The following ZNF704 variants were observed in gnomAD, a reference collection of about 807,000 sequenced individuals.
ZNF704 encodes glucocorticoid induced gene 1.
ZNF704 carries 10 observed loss-of-function variants against 44.7 expected under a neutral mutation model. The ratio of observed to expected loss-of-function variants is 0.22; its 90% CI spans 0.14 to 0.38. The LOEUF (loss-of-function observed/expected upper bound fraction) is 0.38. ZNF704 is among the 10% of genes least tolerant of loss of function. The pLI, the probability that ZNF704 is intolerant of heterozygous loss-of-function variation, is 1.00. For synonymous variants in ZNF704, 211 were observed against 207.6 expected (o/e 1.02, Z -0.14); for missense variants, 390 against 545.5 (o/e 0.71, Z 2.84).
intron 1 of ZNF704, among the ~76,000 whole-genome samples, chr8:80,822,121 T>C (rs1189419056): frequency 6.6e-6 from 1 of 152,214 alleles, no homozygotes; most frequent in African/African-American, 2.4e-5. Context: ...TATTAATTTA[T>C]TTTAATTTTT....
At chr8:80,879,117 A>AT (rs1438299108), upstream of ZNF704, among the ~76,000 whole-genome samples, 1 of 152,216 alleles carries the variant, frequency 6.6e-6, no homozygotes, top group Non-Finnish European at 1.5e-5. Context: ...GAGCTCTCTC[A>AT]TTTTAACTCT....
rs1385741173 is a variant in ZNF704, at chr8:80,659,647, G to C, written c.970C>G (p.Pro324Ala). 11 of 1,613,918 alleles carry C rather than the reference G, an allele frequency of 6.8e-6. No individual in the cohort carries two copies. The highest frequency in any genetic ancestry group is 8.5e-6 in the Non-Finnish European group (10 of 1,179,950). The change falls in exon 7 of 9, where the codon CCC becomes GCC. Residue 324 changes from proline (P) to alanine (A), a missense_variant. This residue lies in a region of ZNF704 where 305 missense variants were observed against 435.7 expected (regional missense o/e 0.70). Transcript: ENST00000327835. ...VTIPGSAKFT[P>A]NGSSFSISWQ... Reference sequence around the variant, plus strand: ...GAAATGCTGAAGCTGCTGCCATTGGGGGTGAACTTGGCCGATCCTGGAATG... The same window carrying C: ...GAAATGCTGAAGCTGCTGCCATTGGCGGTGAACTTGGCCGATCCTGGAATG...
intron 2 of ZNF704, among the ~76,000 whole-genome samples, chr8:80,711,338 G>C (rs772395137): frequency 6.6e-6 from 1 of 152,132 alleles, no homozygotes; most frequent in South Asian, 2.1e-4. Context: ...AAATGGCAGC[G>C]GTCTCATGGA....
At chr8:80,680,046 C>A (rs1393059329) in intron 4 of ZNF704, among the ~76,000 whole-genome samples, 1 of 152,096 alleles carries the variant, frequency 6.6e-6, no homozygotes, top group Non-Finnish European at 1.5e-5. Flanking sequence ...CAATAGTAAG[C>A]CTCAATCCTG....
chr8:80,673,716 G>A (rs535495655), intron 4 of ZNF704, among the ~76,000 whole-genome samples: 1 of 152,298 alleles, frequency 6.6e-6, no homozygotes, highest in African/African-American at 2.4e-5. Context: ...TTTCTGAATT[G>A]AAAATGGTAC....
chr8:80,855,222 G>T (rs1808938696), intron 1 of ZNF704, among the ~76,000 whole-genome samples: 1 of 151,950 alleles, frequency 6.6e-6, no homozygotes, highest in African/African-American at 2.4e-5. Context: ...TGATAGCAGA[G>T]GAAATTTATT....
rs574206020 is a variant in ZNF704 at position 80,702,301 on chromosome 8, T to C, written c.222-9194A>G. Among the ~76,000 whole-genome samples, 6 of 152,222 alleles carry C rather than the reference T, an allele frequency of 3.9e-5. No homozygotes were observed. In the East Asian group the frequency reaches 7.7e-4, roughly 20 times the overall value. ...TTCTCTGTGGAGAGTGGAGAGGACA[T>C]TGCCATGCTTAAGGTTTGGAATTGC... On this transcript the variant is annotated intron_variant, in intron 2 of 8. Transcript: ENST00000327835.
chr8:80,668,182 C>T (rs1294905299), intron 5 of ZNF704, among the ~76,000 whole-genome samples: 1 of 152,228 alleles, frequency 6.6e-6, no homozygotes, highest in Non-Finnish European at 1.5e-5. Context: ...TGCTTCTCTT[C>T]TCTAGAAACC....
At position 80,630,381 on chromosome 8, in the gene ZNF704, T is replaced by C. The variant is rs373909177; in HGVS notation, c.*10985A>G. 6.6e-6 allele frequency: 1 copy of C among 152,230 alleles called. No individual in the cohort carries two copies. The highest frequency in any genetic ancestry group is 2.1e-4 in the South Asian group (1 of 4,828). 9.4% of individuals were successfully genotyped at this position (152,230 alleles called of 1,614,324 possible). A position where few individuals can be genotyped will look rare whatever the true frequency, so the allele number is the denominator to read the frequency against. Reference sequence around the variant, plus strand: ...GAGTGTCACACAGGAAGGACTGCTGTTTTCTCTTCATTCTTTCTCCTTTAC... The same window carrying C: ...GAGTGTCACACAGGAAGGACTGCTGCTTTCTCTTCATTCTTTCTCCTTTAC... On this transcript the variant is annotated 3_prime_UTR_variant, in exon 9 of 9. Coordinates refer to ENST00000327835, the MANE Select transcript of ZNF704 (RefSeq NM_001033723.3).
At chr8:80,745,995 C>A (rs1219727685) in intron 2 of ZNF704, among the ~76,000 whole-genome samples, 1 of 152,194 alleles carries the variant, frequency 6.6e-6, no homozygotes, top group Non-Finnish European at 1.5e-5. Context: ...GACTTTCTCA[C>A]AACTCAGACT....
intron 2 of ZNF704, among the ~76,000 whole-genome samples, chr8:80,745,887 G>A (rs1243757056): frequency 6.6e-6 from 1 of 152,112 alleles, no homozygotes; most frequent in Non-Finnish European, 1.5e-5. Flanking sequence ...AGGCCCTTTG[G>A]AAAGATAAGG....
At chr8:80,815,510 T>A (rs1227943892) in intron 2 of ZNF704, among the ~76,000 whole-genome samples, 1 of 152,250 alleles carries the variant, frequency 6.6e-6, no homozygotes, top group African/African-American at 2.4e-5. Context: ...TATCTAACAA[T>A]GCTTAACTGT....
chr8:80,722,521 G>A (rs2131671581), intron 2 of ZNF704, among the ~76,000 whole-genome samples: 1 of 152,256 alleles, frequency 6.6e-6, no homozygotes, highest in Admixed American at 6.5e-5. Flanking sequence ...ATTTAGTTGT[G>A]ATTTAAAGTG....
At chr8:80,792,582 T>G (rs370116370) in intron 2 of ZNF704, among the ~76,000 whole-genome samples, 10 of 152,208 alleles carry the variant, frequency 6.6e-5, no homozygotes, top group Non-Finnish European at 1.5e-4. Context: ...CAAAAAAGAC[T>G]GTGACTCCTG....
At chr8:80,783,799 G>C (rs1807569903) in intron 2 of ZNF704, among the ~76,000 whole-genome samples, 1 of 152,068 alleles carries the variant, frequency 6.6e-6, no homozygotes. Context: ...TGCCTTCTAA[G>C]GGTTAATGAC....
At chr8:80,714,607 T>C (rs776341318) in intron 2 of ZNF704, among the ~76,000 whole-genome samples, 28 of 152,238 alleles carry the variant, frequency 1.8e-4, no homozygotes, top group Non-Finnish European at 4.1e-4. Context: ...CTCCTTTGTG[T>C]GCCTTTGATC....
At chr8:80,741,501 AAAAT>A (rs1806755991) in intron 2 of ZNF704, among the ~76,000 whole-genome samples, 1 of 151,496 alleles carries the variant, frequency 6.6e-6, no homozygotes, top group African/African-American at 2.4e-5. Flanking sequence ...CGAAGCAGTT[AAAAT>A]AATACAAGGA....
intron 2 of ZNF704, among the ~76,000 whole-genome samples, chr8:80,740,934 C>T (rs1482443706): frequency 6.6e-6 from 1 of 152,216 alleles, no homozygotes; most frequent in Non-Finnish European, 1.5e-5. Context: ...ATCAAGCCAC[C>T]CAAGCGCTTT....
chr8:80,796,681 A>G (rs1010368318), intron 2 of ZNF704, among the ~76,000 whole-genome samples: 6 of 152,162 alleles, frequency 3.9e-5, no homozygotes, highest in Non-Finnish European at 8.8e-5. Context: ...CAGGACAGGC[A>G]TAGAGTGGAC....
Sources: gnomAD v4.1 joint callset for allele counts (sites outside exome capture counted in the v4.1 genomes callset) on GRCh38, gnomAD v4.1.1 for gene constraint, gnomAD v4.1.1 regional missense constraint, MANE v1.5 for transcripts, NCBI Gene and HGNC (gene_info 2026-07-23, HGNC 2026-07-21) for gene names.